Variants in RASL12 observed in about 807,000 individuals in gnomAD.
RASL12 encodes the protein ras-like protein family member 12.
RASL12 carries 16 observed loss-of-function variants against 22.9 expected under a neutral mutation model. The ratio of observed to expected loss-of-function variants is 0.70; its 90% CI spans 0.47 to 1.06. RASL12 has a LOEUF of 1.06. Among genes scored for constraint, RASL12 ranks in the 50% least tolerant of loss-of-function variants. RASL12 has a pLI of 0.00. For missense variants in RASL12, 306 were observed against 353.1 expected, an observed-to-expected ratio of 0.87 and a Z score of 1.07; for synonymous variants, 159 against 152.2, an observed-to-expected ratio of 1.04 and a Z score of -0.33.
At chr15:65,062,209 C>T (rs562970668) in intron 2 of RASL12, among the ~76,000 whole-genome samples, 7 of 152,174 alleles carry the variant, frequency 4.6e-5, no homozygotes, top group Admixed American at 1.3e-4. Flanking sequence ...CTCCTGGAGA[C>T]GCCTGCCCAC....
intron 1 of RASL12, among the ~76,000 whole-genome samples, chr15:65,074,062 T>A (rs1320210435): frequency 6.6e-6 from 1 of 152,218 alleles, no homozygotes; most frequent in African/African-American, 2.4e-5. Flanking sequence ...GCAGGGTTGC[T>A]ACCTTTCCCA....
At chr15:65,050,655 G>T (rs999517089), downstream of RASL12, among the ~76,000 whole-genome samples, 2 of 152,092 alleles carry the variant, frequency 1.3e-5, no homozygotes, top group Admixed American at 1.3e-4. Context: ...TTCCTGGAGG[G>T]AGGACAGCAA....
Position 65,054,740 on chromosome 15 carries a change from C to G in RASL12, c.*159G>C, listed in dbSNP as rs139075536. On this transcript the variant is annotated 3_prime_UTR_variant, in exon 5 of 5. Coordinates refer to ENST00000220062, the MANE Select transcript of RASL12 (RefSeq NM_016563.4). ...GAACAGAAGCAGCATCCCTGCCTGC[C>G]ACTCCAGCTCACACAGTGAATTGAG... 6,184 of 1,448,318 alleles carry G rather than the reference C, an allele frequency of 4.3e-3. 17 individuals are homozygous for G. The highest frequency in any genetic ancestry group is 5.2e-3 in the Non-Finnish European group (5,784 of 1,106,024). 89.7% of individuals were successfully genotyped at this position (1,448,318 alleles called of 1,614,324 possible).
intron 1 of RASL12, among the ~76,000 whole-genome samples, chr15:65,075,590 C>A (rs1025301313): frequency 2.0e-5 from 3 of 152,158 alleles, no homozygotes; most frequent in Non-Finnish European, 4.4e-5. Flanking sequence ...ACACACTAAT[C>A]AGCACCCTGT....
downstream of RASL12, chr15:65,053,258 G>A: frequency 1.3e-6 from 2 of 1,494,042 alleles, no homozygotes; most frequent in African/African-American, 1.4e-5. Flanking sequence ...TCTCTCCCAA[G>A]AAGCCGCTTT....
chr15:65,056,161 C>T lies in RASL12; in HGVS notation c.426-887G>A, dbSNP rs112088092. ...GGTCCCTGAGATCTTGGGGCCAAGA[C>T]TCCACTGGCTGGATCTTCCTGACCT... is the stretch of plus-strand genomic sequence containing the variant. On this transcript the variant is annotated intron_variant, in intron 4 of 4. Coordinates refer to ENST00000220062, the MANE Select transcript of RASL12 (RefSeq NM_016563.4). 7.1e-3 allele frequency among the ~76,000 whole-genome samples: 1,085 copies of T among 152,270 alleles called. 4 individuals are homozygous for T. The highest frequency in any genetic ancestry group is 0.012 in the Non-Finnish European group (796 of 68,016).
At chr15:65,070,137 A>G (rs910449718), upstream of RASL12, among the ~76,000 whole-genome samples, 2 of 152,192 alleles carry the variant, frequency 1.3e-5, no homozygotes, top group African/African-American at 4.8e-5. Flanking sequence ...GTATGTTGGC[A>G]TGCAACTATA....
the RASL12 span, among the ~76,000 whole-genome samples, chr15:65,046,693 G>A: frequency 0.02 from 3,105 of 152,080 alleles, 135 homozygotes; most frequent in African/African-American, 0.071. Context: ...TGGGCAGGTC[G>A]CTTGAACTCA....
rs917917990 is a variant in RASL12, at chr15:65,054,165, T to C, written c.*734A>G. On this transcript the variant is annotated 3_prime_UTR_variant, in exon 5 of 5. Coordinates refer to ENST00000220062, the MANE Select transcript of RASL12 (RefSeq NM_016563.4). Reference sequence around the variant, plus strand: ...CTTGAGGGAGCTGATGCTGAGGTTCTTTGGACAGAGTCCTTAACAGTGGGA... The same window carrying C: ...CTTGAGGGAGCTGATGCTGAGGTTCCTTGGACAGAGTCCTTAACAGTGGGA... 3.0e-5 allele frequency: 30 copies of C among 985,956 alleles called. No homozygotes were observed. The highest frequency in any genetic ancestry group is 3.4e-5 in the Non-Finnish European group (28 of 829,978). 61.1% of individuals were successfully genotyped at this position (985,956 alleles called of 1,614,324 possible).
At chr15:65,068,416 T>C (rs2086906924), upstream of RASL12, 1 of 412,930 alleles carries the variant, frequency 2.4e-6, no homozygotes, top group Non-Finnish European at 3.3e-6. The surrounding 1 kb of genome is among the most constrained non-coding windows in gnomAD (Gnocchi z 4.2). Context: ...TGGCACTCTA[T>C]ATCCCCAATC....
chr15:65,047,415 A>G, the RASL12 span, among the ~76,000 whole-genome samples: 1 of 152,202 alleles, frequency 6.6e-6, no homozygotes, highest in Non-Finnish European at 1.5e-5. Flanking sequence ...AATTACATGT[A>G]TTGTTCTCAT....
downstream of RASL12, chr15:65,053,292 T>C (rs576529981): frequency 3.3e-5 from 48 of 1,433,988 alleles, no homozygotes; most frequent in African/African-American, 4.6e-4. Context: ...CTTTCTTTTT[T>C]TTTTTCTTAG....
At position 65,054,184 on chromosome 15, in the gene RASL12, A is replaced by G. The variant is rs2086695724; in HGVS notation, c.*715T>C. 8 of 985,860 alleles carry G rather than the reference A, an allele frequency of 8.1e-6. No homozygotes were observed. Among genetic ancestry groups the G allele is most frequent in the Non-Finnish European group, 9.6e-6 (8 of 830,002 alleles). 61.1% of individuals were successfully genotyped at this position (985,860 alleles called of 1,614,324 possible). A position where few individuals can be genotyped will look rare whatever the true frequency, so the allele number is the denominator to read the frequency against. The stretch of plus-strand genomic sequence containing the variant: ...AGGTTCTTTGGACAGAGTCCTTAAC[A>G]GTGGGAAAACACATGGAGAATCTGT... On this transcript the variant is annotated 3_prime_UTR_variant, in exon 5 of 5. Transcript: ENST00000220062.
intron 2 of RASL12, among the ~76,000 whole-genome samples, chr15:65,064,884 G>A (rs767055992): frequency 6.6e-6 from 1 of 152,178 alleles, no homozygotes; most frequent in African/African-American, 2.4e-5. Context: ...ATTAGCCACC[G>A]CACCCGGCCC....
intron 4 of RASL12, among the ~76,000 whole-genome samples, chr15:65,055,652 T>C (rs1485415321): frequency 6.6e-6 from 1 of 152,132 alleles, no homozygotes; most frequent in Non-Finnish European, 1.5e-5. Context: ...ATCTCTTCTC[T>C]ACCCCATCGT....
chr15:65,047,019 T>C, the RASL12 span, among the ~76,000 whole-genome samples: 1 of 152,162 alleles, frequency 6.6e-6, no homozygotes, highest in African/African-American at 2.4e-5. Context: ...AAAATTGGAA[T>C]TGTTGTCTCA....
intron 2 of RASL12, among the ~76,000 whole-genome samples, chr15:65,061,231 C>G (rs760512879): frequency 1.3e-5 from 2 of 152,238 alleles, no homozygotes; most frequent in South Asian, 4.1e-4. Flanking sequence ...CAAGGCCACA[C>G]AGCACCTAAT....
Position 65,064,256 on chromosome 15 carries a change from T to C in RASL12, c.160+961A>G, listed in dbSNP as rs1221940127. Among the ~76,000 whole-genome samples, 4 of 152,248 alleles carry C rather than the reference T, an allele frequency of 2.6e-5. No individual in the cohort carries two copies. The East Asian group carries it at 5.8e-4, about 22-fold the overall frequency. On this transcript the variant is annotated intron_variant, in intron 2 of 4. Transcript: ENST00000220062. ...GGGTCAAGTACTAGGCTGGATCTTT[T>C]ACATGTGCTATTTCTTTAATCCTCA...
chr15:65,076,061 G>T (rs2086966328), intron 1 of RASL12, among the ~76,000 whole-genome samples: 1 of 152,202 alleles, frequency 6.6e-6, no homozygotes, highest in African/African-American at 2.4e-5. Context: ...CTAGCTCAGG[G>T]ATTGTAAACC....
Sources: allele counts gnomAD v4.1 joint callset (sites outside exome capture counted in the v4.1 genomes callset), GRCh38; gene constraint gnomAD v4.1.1; non-coding constraint Gnocchi (gnomAD v3.1); transcripts MANE v1.5; gene names NCBI Gene and HGNC (gene_info 2026-07-23, HGNC 2026-07-21).